The following KIF27 variants were observed in gnomAD, a reference collection of about 807,000 sequenced individuals.
KIF27 encodes kinesin family member 27.
Under a neutral mutation model 141.8 loss-of-function variants are expected in KIF27, and 84 were observed. The observed-to-expected ratio is 0.59, with a 90% CI of 0.50 to 0.71. The LOEUF is 0.71. Ranked by LOEUF, KIF27 falls within the 30% of genes least tolerant of loss-of-function variation. The probability of loss-of-function intolerance (pLI) is 0.00; values close to 1 mark genes in which losing one functional copy is unlikely to be tolerated. For synonymous variants in KIF27, 471 were observed against 569.5 expected (o/e 0.83, Z 2.46); for missense variants, 1,306 against 1,628.4 (o/e 0.80, Z 3.41).
At chr9:83,860,439 T>G (rs929974546) in intron 13 of KIF27, among the ~76,000 whole-genome samples, 8 of 152,300 alleles carry the variant, frequency 5.3e-5, no homozygotes, top group African/African-American at 1.9e-4. Context: ...CTACTCTACT[T>G]CCCAACCTCC....
chr9:83,847,717 C>A (rs2131585034), intron 16 of KIF27: 1 of 152,140 alleles, frequency 6.6e-6, no homozygotes, highest in South Asian at 2.1e-4. Flanking sequence ...TAATAAGCTG[C>A]CAATGAATAT....
At chr9:83,871,015 A>G (rs1304905975) in intron 11 of KIF27, among the ~76,000 whole-genome samples, 2 of 151,998 alleles carry the variant, frequency 1.3e-5, no homozygotes, top group Non-Finnish European at 2.9e-5. Context: ...GGCTCAAGTA[A>G]TCCTCTCACC....
At chr9:83,880,533 T>C in intron 10 of KIF27, 39 bp from the exon 11 acceptor site, 2 of 1,421,228 alleles carry the variant, frequency 1.4e-6, no homozygotes, top group South Asian at 1.2e-5. Context: ...AAAAACTGAA[T>C]CTCTCACAAT....
At position 83,903,791 on chromosome 9, in the gene KIF27, C is replaced by T; in HGVS notation, c.727G>A (p.Val243Met). 1.9e-6 allele frequency: 3 copies of T among 1,614,204 alleles called. No homozygotes were observed. Among genetic ancestry groups the T allele is most frequent in the Admixed American group, 1.7e-5 (1 of 60,026 alleles). The change falls in exon 4 of 18, where the codon GTG becomes ATG. Residue 243 changes from valine to methionine, a missense_variant. Physicochemically the swap from Val to Met is conservative, Grantham distance 21. Coordinates refer to ENST00000297814, the MANE Select transcript of KIF27 (RefSeq NM_017576.4). ...ACTCTTTCTGATCCTGCCAAATCCA[C>T]AAAGTGGAACTTTGAGACAATATGC... is the stretch of plus-strand genomic sequence containing the variant. ...PRHIVSKFHF[V>M]DLAGSERVTK...
At chr9:83,861,480 TC>T (rs1319191647) in intron 13 of KIF27, among the ~76,000 whole-genome samples, 1 of 152,224 alleles carries the variant, frequency 6.6e-6, no homozygotes, top group Non-Finnish European at 1.5e-5. Context: ...GTTTCCAGCT[TC>T]ATCCATGTCC....
intron 3 of KIF27, 152 bp from the exon 4 acceptor site, chr9:83,904,170 A>G: frequency 1.8e-6 from 1 of 557,510 alleles, no homozygotes; most frequent in Non-Finnish European, 3.1e-6. Flanking sequence ...CAGCAACATC[A>G]TCAAATAATT....
chr9:83,846,549 C>A (rs1947303189), intron 16 of KIF27, among the ~76,000 whole-genome samples: 1 of 152,112 alleles, frequency 6.6e-6, no homozygotes, highest in Non-Finnish European at 1.5e-5. Flanking sequence ...AATTACATGA[C>A]AATACTTTGC....
At chr9:83,840,670 C>T (rs938830406) in intron 17 of KIF27, among the ~76,000 whole-genome samples, 1 of 151,990 alleles carries the variant, frequency 6.6e-6, no homozygotes. Context: ...TTACTTGATA[C>T]TTGTTTACTT....
chr9:83,859,123 C>T, intron 14 of KIF27, 33 bp downstream of exon 14: 1 of 1,319,828 alleles, frequency 7.6e-7, no homozygotes, highest in South Asian at 1.2e-5. Context: ...ATCCATCATA[C>T]AGCACCTCCA....
chr9:83,887,010 T>A, intron 9 of KIF27, 31 bp downstream of exon 9: 1 of 1,504,166 alleles, frequency 6.6e-7, no homozygotes, highest in Non-Finnish European at 8.8e-7. Flanking sequence ...GTTTTCTTTC[T>A]CATTTAAGCT....
rs376262573 is a variant in KIF27 at position 83,882,957 on chromosome 9, A to C, written c.2445+856T>G. 7.2e-5 allele frequency among the ~76,000 whole-genome samples: 11 copies of C among 152,234 alleles called. No homozygotes were observed. In the South Asian group the frequency reaches 2.3e-3, roughly 32 times the overall value. On this transcript the variant is annotated intron_variant, in intron 10 of 17. Transcript: ENST00000297814. ...TTGAGGTGGCATCAGAAACCCCAGGAGGGACTTTTCAGGCCTGTCACACCA... is the reference window on the plus strand; with the variant it reads ...TTGAGGTGGCATCAGAAACCCCAGGCGGGACTTTTCAGGCCTGTCACACCA...
chr9:83,864,886 T>C (rs570510202), intron 13 of KIF27, among the ~76,000 whole-genome samples: 15 of 145,610 alleles, frequency 1.0e-4, no homozygotes, highest in African/African-American at 3.4e-4. Context: ...ATATTTAGGA[T>C]AGTTAGCTCT....
intron 16 of KIF27, among the ~76,000 whole-genome samples, chr9:83,846,346 T>C (rs982923111): frequency 4.6e-5 from 7 of 152,282 alleles, no homozygotes; most frequent in African/African-American, 1.7e-4. Flanking sequence ...ACAGAGTGCC[T>C]TATCCACTGT....
intron 5 of KIF27, among the ~76,000 whole-genome samples, chr9:83,893,803 C>A (rs530880370): frequency 1.3e-5 from 2 of 151,988 alleles, no homozygotes; most frequent in South Asian, 4.2e-4. Flanking sequence ...AACAAACATA[C>A]ACTAGTGAGG....
rs1394757410 is a variant in KIF27, at chr9:83,836,063, T to C, written c.*938A>G. ...GATTTTAGTAAAAATTTCATTGACATATTTACAGCCCCAGTGTAGTTTGGC... is the reference window on the plus strand; with the variant it reads ...GATTTTAGTAAAAATTTCATTGACACATTTACAGCCCCAGTGTAGTTTGGC... On this transcript the variant is annotated 3_prime_UTR_variant, in exon 18 of 18. Coordinates refer to ENST00000297814, the MANE Select transcript of KIF27 (RefSeq NM_017576.4). Among the ~76,000 whole-genome samples the C allele has an allele frequency of 4.6e-5, 7 of 152,254 alleles. No homozygotes were observed. The highest frequency in any genetic ancestry group is 1.7e-4 in the African/African-American group (7 of 41,550).
chr9:83,866,981 T>C (rs1950416908), intron 13 of KIF27, among the ~76,000 whole-genome samples: 1 of 120,424 alleles, frequency 8.3e-6, no homozygotes, highest in Non-Finnish European at 1.6e-5. Context: ...CCCACACCTA[T>C]TAGTAGGCAT....
At position 83,903,984 on chromosome 9, in the gene KIF27, A is replaced by ACT; in HGVS notation, c.532_533dup (p.Ser178ArgfsTer6). ...CCAAAAGACTCATCACTTCACCTGC[A>ACT]CTCTCCACATGGCATTCCTTGGCCC... is the stretch of plus-strand genomic sequence containing the variant. On this transcript the variant is annotated frameshift_variant, in exon 4 of 18. Transcript: ENST00000297814. LOFTEE classifies it high-confidence loss of function. 1.2e-6 allele frequency: 2 copies of ACT among 1,613,054 alleles called. No homozygotes were observed. The highest frequency in any genetic ancestry group is 1.7e-6 in the Non-Finnish European group (2 of 1,179,504).
At chr9:83,851,291 AT>A (rs1480358146) in intron 15 of KIF27, among the ~76,000 whole-genome samples, 1 of 152,174 alleles carries the variant, frequency 6.6e-6, no homozygotes, top group East Asian at 1.9e-4. Flanking sequence ...CATCTAGACA[AT>A]TCCAAGTTTT....
At position 83,895,852 on chromosome 9, in the gene KIF27, G is replaced by C. The variant is rs187045520; in HGVS notation, c.1602+3809C>G. Among the ~76,000 whole-genome samples the C allele has an allele frequency of 1.3e-4, 20 of 152,068 alleles. No individual in the cohort carries two copies. The East Asian group carries it at 3.7e-3, about 28-fold the overall frequency. Reference sequence around the variant, plus strand: ...GCAGGTAGATCATTTGAGGTCAGGAGTGATTGACTGACATGTTGAAACCCT... The same window carrying C: ...GCAGGTAGATCATTTGAGGTCAGGACTGATTGACTGACATGTTGAAACCCT... On this transcript the variant is annotated intron_variant, in intron 5 of 17. Transcript: ENST00000297814.
Sources: allele counts gnomAD v4.1 joint callset (sites outside exome capture counted in the v4.1 genomes callset), GRCh38; gene constraint gnomAD v4.1.1; transcripts MANE v1.5; gene names NCBI Gene and HGNC (gene_info 2026-07-23, HGNC 2026-07-21).